The following ZNF517 variants were observed in gnomAD, a reference collection of about 807,000 sequenced individuals.
ZNF517 encodes the protein zinc finger protein 517.
ZNF517 carries 12 observed loss-of-function variants against 12.1 expected under a neutral mutation model. The observed-to-expected ratio is 0.99, with a 90% CI of 0.63 to 1.61. ZNF517 has a LOEUF of 1.61. ZNF517 is among the 40% of genes most tolerant of loss of function. ZNF517 has a pLI of 0.00. For synonymous variants in ZNF517, 388 were observed against 310.2 expected, an observed-to-expected ratio of 1.25 and a Z score of -2.63; for missense variants, 781 against 693.2, an observed-to-expected ratio of 1.13 and a Z score of -1.42.
rs2130465028 is a variant in ZNF517, at chr8:144,808,625, G to A, written c.*230G>A. The A allele has an allele frequency of 2.0e-6, 1 of 504,472 alleles. No homozygotes were observed. The highest frequency in any genetic ancestry group is 3.2e-6 in the Non-Finnish European group (1 of 316,044). The allele number at this position is 504,472 out of a possible 1,614,324, so 31.2% of individuals were successfully genotyped here. A position where few individuals can be genotyped will look rare whatever the true frequency, so the allele number is the denominator to read the frequency against. On this transcript the variant is annotated 3_prime_UTR_variant, in exon 5 of 5. Transcript: ENST00000359971. ...CCACTATCAGCCACCATTTCCTGGGGCCTTCCGGAAATGTCCAGGAGCGGG... is the reference window on the plus strand; with the variant it reads ...CCACTATCAGCCACCATTTCCTGGGACCTTCCGGAAATGTCCAGGAGCGGG...
chr8:144,806,240 C>T (rs964215194), intron 4 of ZNF517, among the ~76,000 whole-genome samples: 10 of 152,162 alleles, frequency 6.6e-5, no homozygotes, highest in Admixed American at 2.0e-4. Context: ...CAGGCACCTG[C>T]TCTACGCACC....
rs951857088 is a variant in ZNF517 at position 144,798,932 on chromosome 8, C to T, written c.-51C>T. 7 of 152,102 alleles carry T rather than the reference C, an allele frequency of 4.6e-5. No individual in the cohort carries two copies. Among genetic ancestry groups the T allele is most frequent in the African/African-American group, 1.7e-4 (7 of 41,420 alleles). The allele number at this position is 152,102 out of a possible 1,614,324, so 9.4% of individuals were successfully genotyped here. A position where few individuals can be genotyped will look rare whatever the true frequency, so the allele number is the denominator to read the frequency against. ...GCTCCTCCCCGCGCTGTCTCGGCGG[C>T]CCAGGGTGAGTCGGCCGCGGCCGCG... is the stretch of plus-strand genomic sequence containing the variant. On this transcript the variant is annotated 5_prime_UTR_variant, in exon 1 of 5. Transcript: ENST00000359971.
rs761449255 is a variant in ZNF517 at position 144,807,838 on chromosome 8, G to A, written c.922G>A (p.Gly308Ser). Residue 308 changes from glycine to serine, a missense_variant, in exon 5 of 5, where the codon GGC becomes AGC. Gly to Ser is a moderately conservative substitution (Grantham distance 56). Transcript: ENST00000359971. ...FCRRFTLNEH[G>S]RIHSGERPYR... is the part of the protein sequence containing the mutation. ...CCGCAGGTTCACCCTCAACGAGCAC[G>A]GCCGCATCCACAGCGGGGAGCGGCC... 8.1e-6 allele frequency: 13 copies of A among 1,600,130 alleles called. No homozygotes were observed. The highest frequency in any genetic ancestry group is 2.2e-5 in the East Asian group (1 of 44,512).
At chr8:144,806,600 T>C (rs1163967396) in intron 4 of ZNF517, among the ~76,000 whole-genome samples, 1 of 152,078 alleles carries the variant, frequency 6.6e-6, no homozygotes, top group Non-Finnish European at 1.5e-5. Flanking sequence ...TTCTCCTGCC[T>C]CAGCCTCCTG....
chr8:144,806,080 G>A (rs1466038345), intron 4 of ZNF517, among the ~76,000 whole-genome samples: 2 of 152,066 alleles, frequency 1.3e-5, no homozygotes, highest in Non-Finnish European at 1.5e-5. Context: ...TCGGTCTCTT[G>A]CCTTGGCACT....
At chr8:144,811,221 G>A (rs1827545455), downstream of ZNF517, 1 of 152,308 alleles carries the variant, frequency 6.6e-6, no homozygotes. Context: ...CACTTACTCT[G>A]TGGACCCTGT....
rs779969953 is a variant in ZNF517 at position 144,807,814 on chromosome 8, C to T, written c.898C>T (p.Arg300Cys). Residue 300 changes from arginine to cysteine, a missense_variant, in exon 5 of 5, where the codon CGC becomes TGC. Transcript: ENST00000359971. The part of the protein sequence containing the change: ...ACTECGKAFC[R>C]RFTLNEHGRI... ...CACAGAGTGCGGCAAGGCGTTCTGC[C>T]GCAGGTTCACCCTCAACGAGCACGG... The T allele has an allele frequency of 8.7e-6, 14 of 1,606,680 alleles. No homozygotes were observed. The highest frequency in any genetic ancestry group is 1.7e-4 in the Middle Eastern group (1 of 6,008).
chr8:144,803,151 G>A (rs1827050014), intron 2 of ZNF517: 1 of 648,724 alleles, frequency 1.5e-6, no homozygotes, highest in Non-Finnish European at 2.6e-6. Context: ...GGCAGAAGTG[G>A]GCTTCCTGCG....
intron 1 of ZNF517, among the ~76,000 whole-genome samples, chr8:144,801,660 G>A (rs1229131638): frequency 6.6e-6 from 1 of 152,162 alleles, no homozygotes; most frequent in South Asian, 2.1e-4. Flanking sequence ...TGTATTTTTA[G>A]TGGAGATGGG....
downstream of ZNF517, chr8:144,810,912 A>G (rs1445562209): frequency 6.6e-6 from 1 of 152,592 alleles, no homozygotes; most frequent in Non-Finnish European, 1.5e-5. Flanking sequence ...TGCAGATCCC[A>G]TGGCGAGCGT....
At chr8:144,805,619 G>C (rs1301487428) in intron 4 of ZNF517, among the ~76,000 whole-genome samples, 1 of 115,744 alleles carries the variant, frequency 8.6e-6, no homozygotes, top group African/African-American at 3.1e-5. Context: ...GTGAGCCACC[G>C]CGCCTGGCCA....
At position 144,803,646 on chromosome 8, in the gene ZNF517, G is replaced by A. The variant is rs769619930; in HGVS notation, c.39G>A (p.Ala13=). ...MALPMPGPQE[A]VVFEDVAVYF... Reference sequence around the variant, plus strand: ...AGCAGAGTATGTGGTTGCAGGAGGCGGTTGTGTTCGAGGATGTGGCTGTGT... The same window carrying A: ...AGCAGAGTATGTGGTTGCAGGAGGCAGTTGTGTTCGAGGATGTGGCTGTGT... Residue 13 remains alanine (A), a synonymous_variant, in exon 3 of 5, where the codon GCG becomes GCA. Coordinates refer to ENST00000359971, the MANE Select transcript of ZNF517 (RefSeq NM_213605.3). The A allele has an allele frequency of 1.5e-5, 24 of 1,613,992 alleles. No homozygotes were observed. The highest frequency in any genetic ancestry group is 1.6e-4 in the Middle Eastern group (1 of 6,084).
At chr8:144,804,429 T>C (rs1827124681) in intron 4 of ZNF517, among the ~76,000 whole-genome samples, 191 bp downstream of exon 4, 1 of 152,150 alleles carries the variant, frequency 6.6e-6, no homozygotes, top group African/African-American at 2.4e-5. Flanking sequence ...AAGACCCAAG[T>C]GCGAGAGTTT....
intron 4 of ZNF517, among the ~76,000 whole-genome samples, chr8:144,806,080 GC>G (rs1230658848): frequency 6.6e-6 from 1 of 152,066 alleles, no homozygotes; most frequent in Non-Finnish European, 1.5e-5. Context: ...TCGGTCTCTT[GC>G]CTTGGCACTT....
downstream of ZNF517, among the ~76,000 whole-genome samples, chr8:144,812,064 A>G (rs1242160953): frequency 7.1e-6 from 1 of 141,350 alleles, no homozygotes; most frequent in Non-Finnish European, 1.5e-5. Flanking sequence ...GAATGGAAGC[A>G]AAGGCTGAGA....
downstream of ZNF517, chr8:144,810,503 G>A (rs1482164282): frequency 2.7e-6 from 1 of 367,862 alleles, no homozygotes; most frequent in Non-Finnish European, 4.9e-6. Flanking sequence ...GGGACATGGT[G>A]GGGGAGGCTG....
chr8:144,800,068 G>A (rs951132359), intron 1 of ZNF517, among the ~76,000 whole-genome samples: 3 of 152,164 alleles, frequency 2.0e-5, no homozygotes, highest in Non-Finnish European at 4.4e-5. Flanking sequence ...TGGCTGCGGC[G>A]TAGTGAGCCG....
Position 144,808,059 on chromosome 8 carries a change from C to T in ZNF517, c.1143C>T (p.Ser381=). Residue 381 remains serine (S), a synonymous_variant, in exon 5 of 5, where the codon TCC becomes TCT. Transcript: ENST00000359971. ...GCGGGAGGCCGTTCCGACACAACTC[C>T]CTGCTGCTGCTGCACCTGCGCCTAC... ...PVCGRPFRHN[S]LLLLHLRLHT... 2 of 1,607,648 alleles carry T rather than the reference C, an allele frequency of 1.2e-6. No individual in the cohort carries two copies. Among genetic ancestry groups the T allele is most frequent in the Non-Finnish European group, 8.5e-7 (1 of 1,177,562 alleles).
chr8:144,808,380 C>T lies in ZNF517; in HGVS notation c.1464C>T (p.Pro488=). Residue 488 remains proline (P), a synonymous_variant, in exon 5 of 5, where the codon CCC becomes CCT. Coordinates refer to ENST00000359971, the MANE Select transcript of ZNF517 (RefSeq NM_213605.3). ...PGEDTEGRRA[P]CWAS ...AGGACACAGAGGGCAGGCGGGCGCCCTGTTGGGCTTCCTGATGACGGGGAC... is the reference window on the plus strand; with the variant it reads ...AGGACACAGAGGGCAGGCGGGCGCCTTGTTGGGCTTCCTGATGACGGGGAC... 3 of 1,455,376 alleles carry T rather than the reference C, an allele frequency of 2.1e-6. No individual in the cohort carries two copies. The highest frequency in any genetic ancestry group is 1.8e-6 in the Non-Finnish European group (2 of 1,103,756). The allele number at this position is 1,455,376 out of a possible 1,614,324, so 90.2% of individuals were successfully genotyped here.
Sources: allele counts gnomAD v4.1 joint callset (sites outside exome capture counted in the v4.1 genomes callset), GRCh38; gene constraint gnomAD v4.1.1; transcripts MANE v1.5; gene names NCBI Gene and HGNC (gene_info 2026-07-23, HGNC 2026-07-21).